ZNF831: variants seen among roughly 807,000 people sequenced by gnomAD.
ZNF831 encodes zinc finger protein 831.
In ZNF831, 59 loss-of-function variants were observed where a neutral mutation model predicts 95.8. That is an observed-to-expected ratio of 0.62 (90% CI 0.50 to 0.77). ZNF831 has a LOEUF of 0.77. Ranked by LOEUF, ZNF831 falls within the 30% of genes least tolerant of loss-of-function variation. The probability of loss-of-function intolerance (pLI) is 0.00; values close to 1 mark genes in which losing one functional copy is unlikely to be tolerated. For missense variants in ZNF831, 2,205 were observed against 2,164.0 expected, an observed-to-expected ratio of 1.02 and a Z score of -0.38; for synonymous variants, 961 against 925.5, an observed-to-expected ratio of 1.04 and a Z score of -0.70.
intron 4 of ZNF831, among the ~76,000 whole-genome samples, chr20:59,224,725 G>A (rs6026766): frequency 0.054 from 8,248 of 152,258 alleles, 731 homozygotes; most frequent in African/African-American, 0.19. Context: ...AATCGAGAAA[G>A]CAACAACAGG....
At position 59,256,220 on chromosome 20, in the gene ZNF831, T is replaced by G. The variant is rs1352792421; in HGVS notation, c.*1477T>G. ...TGGTCAAATTTCAAGTATCTTCATG[T>G]GAATTTTCCAATTTTGGTGTTTTTC... On this transcript the variant is annotated 3_prime_UTR_variant, in exon 6 of 6. Transcript: ENST00000371030. The G allele has an allele frequency of 6.6e-6, 1 of 152,236 alleles. No homozygotes were observed. The highest frequency in any genetic ancestry group is 1.9e-4 in the East Asian group (1 of 5,198). 9.4% of individuals were successfully genotyped at this position (152,236 alleles called of 1,614,324 possible). A position where few individuals can be genotyped will look rare whatever the true frequency, so the allele number is the denominator to read the frequency against.
chr20:59,153,553 G>C (rs1980368058), intron 2 of ZNF831, among the ~76,000 whole-genome samples: 1 of 152,212 alleles, frequency 6.6e-6, no homozygotes, highest in Non-Finnish European at 1.5e-5. Flanking sequence ...CCGCTGCCAA[G>C]AGCTGATTGG....
intron 3 of ZNF831, among the ~76,000 whole-genome samples, chr20:59,197,843 C>A (rs759456240): frequency 6.6e-6 from 1 of 152,124 alleles, no homozygotes; most frequent in African/African-American, 2.4e-5. Context: ...GCCATCCAGA[C>A]GGAGGAGCTG....
intron 1 of ZNF831, 104 bp from the exon 2 acceptor site, chr20:59,190,880 C>T: frequency 9.8e-7 from 1 of 1,023,132 alleles, no homozygotes; most frequent in Non-Finnish European, 1.3e-6. Context: ...AGGGGATTGT[C>T]AGGCTTCCGT....
intron 1 of ZNF831, among the ~76,000 whole-genome samples, chr20:59,185,389 T>C (rs890362793): frequency 1.8e-4 from 28 of 152,252 alleles, no homozygotes; most frequent in African/African-American, 6.3e-4. Context: ...GCTCTTTTCC[T>C]GGCATTTCTA....
chr20:59,149,032 T>C (rs1980064272), intron 2 of ZNF831, among the ~76,000 whole-genome samples: 1 of 152,156 alleles, frequency 6.6e-6, no homozygotes, highest in Non-Finnish European at 1.5e-5. Flanking sequence ...GGTGTCTCCA[T>C]TGGTAACGAG....
At chr20:59,140,023 C>G (rs530792259) in intron 1 of ZNF831, among the ~76,000 whole-genome samples, 2 of 152,288 alleles carry the variant, frequency 1.3e-5, no homozygotes, top group South Asian at 4.1e-4. Context: ...TCTCAAAGAA[C>G]TCTTACAATA....
intron 2 of ZNF831, among the ~76,000 whole-genome samples, chr20:59,151,046 A>G (rs1405256710): frequency 6.6e-6 from 1 of 152,196 alleles, no homozygotes; most frequent in African/African-American, 2.4e-5. Context: ...TGGGTTTCCG[A>G]TAGTGCAGGG....
intron 1 of ZNF831, among the ~76,000 whole-genome samples, chr20:59,144,299 C>T (rs148218365): frequency 2.0e-4 from 30 of 152,238 alleles, no homozygotes; most frequent in Non-Finnish European, 2.9e-4. Context: ...TCACAGGTGT[C>T]GTCTCAGTTG....
At chr20:59,243,227 C>T (rs958341307) in intron 4 of ZNF831, among the ~76,000 whole-genome samples, 3 of 152,004 alleles carry the variant, frequency 2.0e-5, no homozygotes, top group Admixed American at 6.6e-5. Context: ...GATTTTTTTC[C>T]CCCACTAACA....
rs1278206509 is a variant in ZNF831, at chr20:59,194,513, G to T, written c.3494G>T (p.Arg1165Leu). Residue 1165 changes from arginine (R) to leucine (L), a missense_variant, in exon 2 of 6, where the codon CGC becomes CTC. Coordinates refer to ENST00000371030, the MANE Select transcript of ZNF831 (RefSeq NM_178457.3). ...HSGTSRSHST[R>L]SPHSTQNPFP... is the part of the protein sequence containing the mutation. ...GGGACGTCCCGGAGCCACAGCACCCGCAGTCCCCACAGCACCCAAAACCCC... is the reference window on the plus strand; with the variant it reads ...GGGACGTCCCGGAGCCACAGCACCCTCAGTCCCCACAGCACCCAAAACCCC... The T allele has an allele frequency of 6.2e-7, 1 of 1,609,080 alleles. No individual in the cohort carries two copies. The highest frequency in any genetic ancestry group is 8.5e-7 in the Non-Finnish European group (1 of 1,177,730).
intron 2 of ZNF831, among the ~76,000 whole-genome samples, chr20:59,152,721 A>G (rs1489923554): frequency 6.6e-6 from 1 of 152,138 alleles, no homozygotes; most frequent in Non-Finnish European, 1.5e-5. Context: ...GGGAATGGAA[A>G]GAGCACTTCA....
intron 2 of ZNF831, among the ~76,000 whole-genome samples, chr20:59,157,118 T>C (rs1289999971): frequency 6.6e-6 from 1 of 152,210 alleles, no homozygotes; most frequent in African/African-American, 2.4e-5. Context: ...GTGCTATAAA[T>C]TATTGTTGAC....
chr20:59,190,650 A>T (rs1390999327), intron 1 of ZNF831, among the ~76,000 whole-genome samples: 1 of 152,248 alleles, frequency 6.6e-6, no homozygotes, highest in Non-Finnish European at 1.5e-5. Context: ...GTGTCTCTGC[A>T]TGTGGCACTG....
chr20:59,196,095 A>C, intron 3 of ZNF831, 90 bp downstream of exon 3: 1 of 1,518,584 alleles, frequency 6.6e-7, no homozygotes, highest in Non-Finnish European at 8.9e-7. Context: ...CTCCAGAGAA[A>C]GAGTTCCTGT....
intron 1 of ZNF831, among the ~76,000 whole-genome samples, chr20:59,130,931 G>T (rs919482055): frequency 1.3e-5 from 2 of 152,186 alleles, no homozygotes; most frequent in African/African-American, 2.4e-5. Flanking sequence ...TCATCTGAAA[G>T]GAGGGCTAGT....
At chr20:59,146,440 A>G (rs1046611302) in intron 2 of ZNF831, 1 of 152,238 alleles carries the variant, frequency 6.6e-6, no homozygotes, top group Non-Finnish European at 1.5e-5. Flanking sequence ...AGATGAAGGG[A>G]TCTTAATCAT....
chr20:59,244,243 C>T lies in ZNF831; in HGVS notation c.4028-8735C>T, dbSNP rs185062149. Among the ~76,000 whole-genome samples, 3 of 152,182 alleles carry T rather than the reference C, an allele frequency of 2.0e-5. No homozygotes were observed. The East Asian group carries it at 5.8e-4, about 29-fold the overall frequency. On this transcript the variant is annotated intron_variant, in intron 4 of 5. Coordinates refer to ENST00000371030, the MANE Select transcript of ZNF831 (RefSeq NM_178457.3). ...AAGTTTCAAAAAAAATAGGATAGTA[C>T]AGAAATACTCTAGATTTGGCTAGAG... is the stretch of plus-strand genomic sequence containing the variant.
At position 59,193,763 on chromosome 20, in the gene ZNF831, A is replaced by G. The variant is rs992582132; in HGVS notation, c.2744A>G (p.Glu915Gly). ...CATCCTGCAGCCCCAGCCCCCGCAG[A>G]GCACCCCTCGCTGGCCACCCCACCT... ...PLHPAAPAPA[E>G]HPSLATPPQA... The change falls in exon 2 of 6, where the codon GAG becomes GGG. Residue 915 changes from glutamate (E) to glycine (G), a missense_variant. Transcript: ENST00000371030. The G allele has an allele frequency of 1.2e-6, 2 of 1,608,054 alleles. No individual in the cohort carries two copies. The highest frequency in any genetic ancestry group is 3.4e-5 in the Admixed American group (2 of 59,576).
Sources: gnomAD v4.1 joint callset for allele counts (sites outside exome capture counted in the v4.1 genomes callset) on GRCh38, gnomAD v4.1.1 for gene constraint, MANE v1.5 for transcripts, NCBI Gene and HGNC (gene_info 2026-07-23, HGNC 2026-07-21) for gene names.